The following SORCS2 variants were observed in gnomAD, a reference collection of about 807,000 sequenced individuals.
SORCS2 encodes the protein sortilin related VPS10 domain containing receptor 2.
In SORCS2, 100 loss-of-function variants were observed where a neutral mutation model predicts 141.6. The ratio of observed to expected loss-of-function variants is 0.71; its 90% CI spans 0.60 to 0.83. The LOEUF is 0.83. Among genes scored for constraint, SORCS2 ranks in the 40% least tolerant of loss-of-function variants. The pLI, the probability that SORCS2 is intolerant of heterozygous loss-of-function variation, is 0.00. For synonymous variants in SORCS2, 789 were observed against 676.9 expected (o/e 1.17, Z -2.57); for missense variants, 1,646 against 1,560.2 (o/e 1.05, Z -0.93).
intron 2 of SORCS2, among the ~76,000 whole-genome samples, chr4:7,409,368 T>A (rs894126874): frequency 3.3e-5 from 5 of 152,074 alleles, no homozygotes; most frequent in Non-Finnish European, 5.9e-5. Context: ...CAGCCATGGG[T>A]TCATGCCCAG....
At chr4:7,674,919 G>C (rs565097480) in intron 8 of SORCS2, among the ~76,000 whole-genome samples, 8 of 152,060 alleles carry the variant, frequency 5.3e-5, no homozygotes, top group African/African-American at 1.9e-4. Context: ...GGGCGGCTCC[G>C]CAGGTGGGGC....
intron 1 of SORCS2, among the ~76,000 whole-genome samples, chr4:7,266,386 G>A (rs966028607): frequency 4.6e-5 from 7 of 152,294 alleles, no homozygotes; most frequent in East Asian, 1.9e-4. Context: ...GGGCTGAAGC[G>A]CCCCTCATTT....
At chr4:7,468,795 C>T (rs546033082) in intron 2 of SORCS2, among the ~76,000 whole-genome samples, 1 of 152,292 alleles carries the variant, frequency 6.6e-6, no homozygotes, top group East Asian at 1.9e-4. Flanking sequence ...TGAGGATGCT[C>T]TCTGACATTC....
At chr4:7,658,131 C>CTGAG (rs1264985107) in intron 5 of SORCS2, among the ~76,000 whole-genome samples, 3 of 147,434 alleles carry the variant, frequency 2.0e-5, no homozygotes, top group Non-Finnish European at 4.5e-5. Flanking sequence ...GATTGAGTGA[C>CTGAG]TGAGTGAGTG....
intron 9 of SORCS2, among the ~76,000 whole-genome samples, chr4:7,680,588 A>G (rs975768968): frequency 2.6e-5 from 4 of 152,356 alleles, no homozygotes; most frequent in Non-Finnish European, 5.9e-5. Context: ...TTCTGCAGAG[A>G]GGAAGGCTAC....
intron 2 of SORCS2, among the ~76,000 whole-genome samples, chr4:7,440,725 C>A (rs1015240677): frequency 1.3e-5 from 2 of 152,232 alleles, no homozygotes; most frequent in African/African-American, 4.8e-5. Context: ...CTCCCCTCTG[C>A]CCTTCCCAAG....
At chr4:7,683,033 G>C in intron 10 of SORCS2, 144 bp downstream of exon 10, 1 of 1,103,724 alleles carries the variant, frequency 9.1e-7, no homozygotes, top group Non-Finnish European at 1.3e-6. Context: ...GTGTGGTAGA[G>C]AGGGTCAAAT....
At chr4:7,696,940 C>T (rs951881317) in intron 11 of SORCS2, among the ~76,000 whole-genome samples, 1 of 152,222 alleles carries the variant, frequency 6.6e-6, no homozygotes, top group Non-Finnish European at 1.5e-5. Flanking sequence ...CTGGTGGGTT[C>T]TCTGAGGTAC....
chr4:7,528,402 G>GTT (rs35199702), intron 2 of SORCS2, among the ~76,000 whole-genome samples: 1,621 of 147,560 alleles, frequency 0.011, 19 homozygotes, highest in South Asian at 0.023. Flanking sequence ...CAGCTGCTAC[G>GTT]TTTTTTTTTT....
In SORCS2 at chr4:7,593,965, A is replaced by G. The variant is rs1028169975; in HGVS notation, c.649-44363A>G. 5.9e-5 allele frequency among the ~76,000 whole-genome samples: 9 copies of G among 152,300 alleles called. No homozygotes were observed. In the East Asian group the frequency reaches 1.7e-3, roughly 29 times the overall value. On this transcript the variant is annotated intron_variant, in intron 3 of 26. Coordinates refer to ENST00000507866, the MANE Select transcript of SORCS2 (RefSeq NM_020777.3). ...ACCAAATGGGCATTTATTGAAATCC[A>G]TCCTGACACCCTCCACTGGGAGGCC...
intron 3 of SORCS2, among the ~76,000 whole-genome samples, chr4:7,564,517 C>T (rs1714827099): frequency 6.6e-6 from 1 of 152,216 alleles, no homozygotes; most frequent in Non-Finnish European, 1.5e-5. Flanking sequence ...GGGTCATGTT[C>T]TGAGGGAGTG....
At chr4:7,705,110 G>A (rs1472411430) in intron 14 of SORCS2, among the ~76,000 whole-genome samples, 1 of 152,194 alleles carries the variant, frequency 6.6e-6, no homozygotes, top group African/African-American at 2.4e-5. Flanking sequence ...ATGGAGTAGG[G>A]CGGACCCTGA....
At chr4:7,450,422 G>A (rs969574935) in intron 2 of SORCS2, among the ~76,000 whole-genome samples, 2 of 152,308 alleles carry the variant, frequency 1.3e-5, no homozygotes, top group South Asian at 2.1e-4. Flanking sequence ...CAACCATCAC[G>A]GTTGAGTGTC....
chr4:7,442,718 A>G (rs901975849), intron 2 of SORCS2, among the ~76,000 whole-genome samples: 9 of 147,818 alleles, frequency 6.1e-5, no homozygotes, highest in African/African-American at 2.3e-4. Flanking sequence ...CAAAGCGGAG[A>G]GCAGCACCCC....
chr4:7,555,413 G>C (rs1352016605), intron 3 of SORCS2, among the ~76,000 whole-genome samples: 4 of 152,198 alleles, frequency 2.6e-5, no homozygotes, highest in Admixed American at 1.3e-4. Flanking sequence ...GCCTGTGCAG[G>C]AGCACAAATG....
chr4:7,308,081 A>G (rs549017475), intron 1 of SORCS2, among the ~76,000 whole-genome samples: 87 of 152,196 alleles, frequency 5.7e-4, no homozygotes, highest in African/African-American at 1.9e-3. Flanking sequence ...TGCTGCTGGC[A>G]TAGTCAGGAT....
chr4:7,231,537 T>TC (rs1560127834), intron 1 of SORCS2, among the ~76,000 whole-genome samples: 5 of 149,010 alleles, frequency 3.4e-5, no homozygotes, highest in African/African-American at 1.3e-4. Context: ...ATCCATCCAT[T>TC]CATCCATCCA....
chr4:7,276,194 C>G (rs903422253), intron 1 of SORCS2, among the ~76,000 whole-genome samples: 29 of 152,186 alleles, frequency 1.9e-4, no homozygotes, highest in African/African-American at 7.0e-4. Flanking sequence ...GGGGCTGTTG[C>G]ACTTTGGTCC....
chr4:7,218,202 C>G (rs886794736), intron 1 of SORCS2, among the ~76,000 whole-genome samples: 2 of 152,172 alleles, frequency 1.3e-5, no homozygotes, highest in African/African-American at 4.8e-5. Context: ...AAATCCCCAA[C>G]GAGTAGATCC....
Sources: allele counts gnomAD v4.1 joint callset (sites outside exome capture counted in the v4.1 genomes callset), GRCh38; gene constraint gnomAD v4.1.1; transcripts MANE v1.5; gene names NCBI Gene and HGNC (gene_info 2026-07-23, HGNC 2026-07-21).